NDUFS7: variants seen among roughly 807,000 people sequenced by gnomAD.
The protein encoded by NDUFS7 is NADH:ubiquinone oxidoreductase core subunit S7.
NDUFS7 carries 11 observed loss-of-function variants against 31.1 expected under a neutral mutation model. The observed-to-expected ratio is 0.35, with a 90% CI of 0.22 to 0.59. NDUFS7 has a LOEUF of 0.59. Ranked by LOEUF, NDUFS7 falls within the 20% of genes least tolerant of loss-of-function variation. The probability of loss-of-function intolerance (pLI) is 0.79; values close to 1 mark genes in which losing one functional copy is unlikely to be tolerated. For synonymous variants in NDUFS7, 136 were observed against 127.9 expected (o/e 1.06, Z -0.43); for missense variants, 263 against 324.2 (o/e 0.81, Z 1.45).
In NDUFS7 at chr19:1,383,949, G is replaced by T; in HGVS notation, c.16+7G>T. ...AAGATGGCGGTGCTGTCAGGTGAGC[G>T]CGGCACCGGCGGCGGGTGTGGGGCC... On this transcript the variant is annotated splice_region_variant and intron_variant, in intron 1 of 7. Transcript: ENST00000233627. The T allele has an allele frequency of 6.4e-7, 1 of 1,568,796 alleles. No individual in the cohort carries two copies.
At chr19:1,394,311 G>A in intron 7 of NDUFS7, 1 of 1,256,756 alleles carries the variant, frequency 8.0e-7, no homozygotes, top group South Asian at 1.2e-5. Flanking sequence ...GCACAGAGAG[G>A]TCCATCCTGG....
chr19:1,395,096 G>C, intron 7 of NDUFS7: 1 of 1,314,908 alleles, frequency 7.6e-7, no homozygotes, highest in Non-Finnish European at 9.7e-7. Context: ...TGAGGGCTGG[G>C]GCCGGGGGCC....
rs1307572649 is a variant in NDUFS7 at position 1,390,772 on chromosome 19, G to A, written c.229-99G>A. ...TCTCACCTCTGCCGGCTGCCGCCCC[G>A]GGACATGAGTCGGGGGTTCTGGGTG... On this transcript the variant is annotated intron_variant, in intron 4 of 7. Coordinates refer to ENST00000233627, the MANE Select transcript of NDUFS7 (RefSeq NM_024407.5). 2.3e-5 allele frequency: 33 copies of A among 1,410,170 alleles called. No individual in the cohort carries two copies. The Middle Eastern group carries it at 1.3e-3, about 58-fold the overall frequency. The allele number at this position is 1,410,170 out of a possible 1,614,324, so 87.4% of individuals were successfully genotyped here.
chr19:1,389,154 C>G (rs1417319018), intron 4 of NDUFS7: 5 of 700,130 alleles, frequency 7.1e-6, no homozygotes, highest in African/African-American at 7.0e-5. Flanking sequence ...TGCACACTCG[C>G]ACACATGCAC....
chr19:1,389,698 G>A (rs1600148992), intron 4 of NDUFS7: 2 of 357,968 alleles, frequency 5.6e-6, no homozygotes, highest in East Asian at 1.5e-4. Context: ...CCATCCCCCT[G>A]CAGCGTGAGC....
Position 1,388,604 on chromosome 19 carries a change from C to A in NDUFS7, c.122+11C>A, listed in dbSNP as rs1357413535. The A allele has an allele frequency of 1.2e-6, 2 of 1,611,056 alleles. No homozygotes were observed. The highest frequency in any genetic ancestry group is 3.3e-5 in the Admixed American group (2 of 59,900). ...CGATGGCCCAAGCAGGTGAAGCTGGCCTTCTGGGGGAGGTCGTACCCCCTC... is the reference window on the plus strand; with the variant it reads ...CGATGGCCCAAGCAGGTGAAGCTGGACTTCTGGGGGAGGTCGTACCCCCTC... On this transcript the variant is annotated intron_variant, in intron 3 of 7. Transcript: ENST00000233627.
In NDUFS7 at chr19:1,390,930, G is replaced by C. The variant is rs1249011397; in HGVS notation, c.288G>C (p.Met96Ile). Residue 96 changes from methionine (M) to isoleucine (I), a missense_variant, in exon 5 of 8, where the codon ATG (methionine) becomes ATC (isoleucine). Physicochemically the swap from Met to Ile is conservative, Grantham distance 10 (BLOSUM62 1). Coordinates refer to ENST00000233627, the MANE Select transcript of NDUFS7 (RefSeq NM_024407.5). ...LACCAVEMMH[M>I]AAPRYDMDRF... ...GCTGCGCCGTGGAGATGATGCACAT[G>C]GCAGCACCCCGCTACGACATGGACC... 2 of 1,612,094 alleles carry C rather than the reference G, an allele frequency of 1.2e-6. No homozygotes were observed. Among genetic ancestry groups the C allele is most frequent in the South Asian group, 1.1e-5 (1 of 91,076 alleles).
intron 1 of NDUFS7, chr19:1,387,597 T>G: frequency 5.2e-6 from 3 of 573,750 alleles, no homozygotes; most frequent in Non-Finnish European, 6.4e-6. Context: ...CGGGGCAGCG[T>G]TTGGGTTCCT....
At chr19:1,384,271 C>T (rs1224387754) in intron 1 of NDUFS7, 2 of 413,500 alleles carry the variant, frequency 4.8e-6, no homozygotes, top group African/African-American at 4.3e-5. Context: ...CTTGAGATGC[C>T]CTGGAGAGAG....
In NDUFS7 at chr19:1,390,857, C is replaced by G. The variant is rs770545238; in HGVS notation, c.229-14C>G. The G allele has an allele frequency of 3.7e-6, 6 of 1,605,230 alleles. No individual in the cohort carries two copies. The South Asian group carries it at 5.5e-5, about 15-fold the overall frequency. Reference sequence around the variant, plus strand: ...CTCCGGGGGTGGCGTCTGACCCGAGCCCGGCCTCCGCAGAGTTCTCTGTGG... The same window carrying G: ...CTCCGGGGGTGGCGTCTGACCCGAGGCCGGCCTCCGCAGAGTTCTCTGTGG... On this transcript the variant is annotated splice_polypyrimidine_tract_variant and intron_variant, in intron 4 of 7. Coordinates refer to ENST00000233627, the MANE Select transcript of NDUFS7 (RefSeq NM_024407.5).
chr19:1,391,486 C>CT (rs11287297), intron 6 of NDUFS7, among the ~76,000 whole-genome samples: 145 of 122,688 alleles, frequency 1.2e-3, no homozygotes, highest in East Asian at 3.1e-3. Context: ...AGTTTTTTTT[C>CT]TTTTTTTTTT....
chr19:1,394,362 A>G (rs1337081149), intron 7 of NDUFS7: 108 of 1,288,396 alleles, frequency 8.4e-5, no homozygotes, highest in Non-Finnish European at 1.1e-4. Context: ...CTTCCCCTGC[A>G]GTGCAGACCA....
intron 1 of NDUFS7, among the ~76,000 whole-genome samples, chr19:1,386,083 C>G (rs533033518): frequency 6.6e-6 from 1 of 152,154 alleles, no homozygotes; most frequent in Non-Finnish European, 1.5e-5. Context: ...TGGACGGGGC[C>G]ATGGGAAACA....
Position 1,393,109 on chromosome 19 carries a change from C to G in NDUFS7, c.456-133C>G, listed in dbSNP as rs2082568353. On this transcript the variant is annotated intron_variant, in intron 6 of 7. Coordinates refer to ENST00000233627, the MANE Select transcript of NDUFS7 (RefSeq NM_024407.5). This position sits in a 1 kb window ranked among gnomAD's most constrained non-coding sequence, Gnocchi z 7.3. ...GCCTGTGCGTGTTTGCTCATTGCTT[C>G]TCCGTGACAAGTTCCAGCCTCGTAG... The G allele has an allele frequency of 5.6e-6, 4 of 712,988 alleles. No homozygotes were observed. Among genetic ancestry groups the G allele is most frequent in the Non-Finnish European group, 9.8e-6 (4 of 408,312 alleles). The allele number at this position is 712,988 out of a possible 1,614,324, so 44.2% of individuals were successfully genotyped here.
In NDUFS7 at chr19:1,393,939, G is replaced by A; in HGVS notation, c.544+609G>A. The A allele has an allele frequency of 4.2e-6, 1 of 238,222 alleles. No individual in the cohort carries two copies. The highest frequency in any genetic ancestry group is 8.4e-6 in the Non-Finnish European group (1 of 119,188). 14.8% of individuals were successfully genotyped at this position (238,222 alleles called of 1,614,324 possible). The stretch of plus-strand genomic sequence containing the variant: ...TTCTTTATATCTGGTGATCCCGTGG[G>A]ACTCTTGCACCTCACGTGGTCCCAC... On this transcript the variant is annotated intron_variant, in intron 7 of 7. Transcript: ENST00000233627. This position sits in a 1 kb window ranked among gnomAD's most constrained non-coding sequence, Gnocchi z 7.3.
chr19:1,388,762 G>T (rs758379713), intron 3 of NDUFS7, 71 bp from the exon 4 acceptor site: 4 of 1,502,494 alleles, frequency 2.7e-6, no homozygotes, highest in Non-Finnish European at 3.6e-6. Flanking sequence ...AGCGGCCGTG[G>T]GGGCTCGCAT....
intron 1 of NDUFS7, among the ~76,000 whole-genome samples, chr19:1,386,311 A>G (rs1447661454): frequency 2.0e-5 from 3 of 152,176 alleles, no homozygotes; most frequent in African/African-American, 7.2e-5. Flanking sequence ...TGGGGGCTGG[A>G]AGGCCAAGAT....
chr19:1,389,114 ACACG>A, intron 4 of NDUFS7, 176 bp downstream of exon 4: 1 of 715,212 alleles, frequency 1.4e-6, no homozygotes, highest in Non-Finnish European at 2.5e-6. Context: ...TACACGGACC[ACACG>A]CACACTCACG....
chr19:1,388,642 T>C, intron 3 of NDUFS7, 49 bp downstream of exon 3: 1 of 1,573,788 alleles, frequency 6.4e-7, no homozygotes, highest in African/African-American at 1.4e-5. Flanking sequence ...CCCACCCCCA[T>C]CCCTTCCTTA....
Sources: gnomAD v4.1 joint callset for allele counts (sites outside exome capture counted in the v4.1 genomes callset) on GRCh38, gnomAD v4.1.1 for gene constraint, Gnocchi (gnomAD v3.1) non-coding constraint, MANE v1.5 for transcripts, NCBI Gene and HGNC (gene_info 2026-07-23, HGNC 2026-07-21) for gene names.